SLC15A4: variants seen among roughly 807,000 people sequenced by gnomAD.
SLC15A4 encodes the protein hPHT1.
A neutral mutation model predicts 46.1 loss-of-function variants in SLC15A4; 26 were observed. That is an observed-to-expected ratio of 0.56 (90% CI 0.41 to 0.78). SLC15A4 has a LOEUF of 0.78. SLC15A4 is among the 30% of genes least tolerant of loss of function. The pLI, the probability that SLC15A4 is intolerant of heterozygous loss-of-function variation, is 0.00. For synonymous variants in SLC15A4, 370 were observed against 333.4 expected, an observed-to-expected ratio of 1.11 and a Z score of -1.20; for missense variants, 751 against 755.7, an observed-to-expected ratio of 0.99 and a Z score of 0.07.
chr12:128,795,443 G>C (rs7135854), intron 7 of SLC15A4, among the ~76,000 whole-genome samples: 78,895 of 152,028 alleles, frequency 0.52, 21,369 homozygotes, highest in Non-Finnish European at 0.61. Flanking sequence ...CATGGGCCAT[G>C]CAGCTCAAGC....
intron 5 of SLC15A4, among the ~76,000 whole-genome samples, chr12:128,802,621 A>T (rs1396230676): frequency 6.6e-6 from 1 of 152,202 alleles, no homozygotes; most frequent in Non-Finnish European, 1.5e-5. Context: ...CATGCGGAGG[A>T]CAATAAGTAG....
intron 5 of SLC15A4, among the ~76,000 whole-genome samples, chr12:128,808,544 C>T (rs1955615781): frequency 6.6e-6 from 1 of 152,140 alleles, no homozygotes; most frequent in South Asian, 2.1e-4. Flanking sequence ...TTAACTCAGT[C>T]CAAATGTCAC....
At chr12:128,816,754 C>A (rs4760537) in intron 1 of SLC15A4, among the ~76,000 whole-genome samples, 90,598 of 151,894 alleles carry the variant, frequency 0.6, 27,294 homozygotes, top group Non-Finnish European at 0.65. Flanking sequence ...ATCCCTTGAA[C>A]TGGGGAGGAG....
chr12:128,795,479 G>C (rs1175002167), intron 7 of SLC15A4, among the ~76,000 whole-genome samples: 1 of 152,204 alleles, frequency 6.6e-6, no homozygotes, highest in Non-Finnish European at 1.5e-5. Flanking sequence ...CGGCCTCTGA[G>C]ACCTCTGTGC....
chr12:128,809,331 AGAAGG>A (rs1361685997), intron 4 of SLC15A4, 60 bp downstream of exon 4: 28 of 1,013,094 alleles, frequency 2.8e-5, no homozygotes, highest in Non-Finnish European at 3.9e-5. Context: ...TACAGTTGGT[AGAAGG>A]AATCCATTTA....
intron 2 of SLC15A4, among the ~76,000 whole-genome samples, chr12:128,812,857 G>T (rs1354187707): frequency 6.6e-6 from 1 of 151,486 alleles, no homozygotes; most frequent in African/African-American, 2.4e-5. Flanking sequence ...GAATTCCTCA[G>T]ACCATCAACT....
intron 1 of SLC15A4, among the ~76,000 whole-genome samples, chr12:128,818,449 G>A (rs1425368030): frequency 6.6e-6 from 1 of 152,176 alleles, no homozygotes; most frequent in Non-Finnish European, 1.5e-5. Context: ...GACCAAACCA[G>A]GACAAATTAA....
chr12:128,823,908 C>G lies in SLC15A4; in HGVS notation c.36G>C (p.Ala12=), dbSNP rs1367392929. The G allele has an allele frequency of 2.6e-5, 21 of 812,144 alleles. No individual in the cohort carries two copies. In the East Asian group the frequency reaches 2.4e-3, roughly 92 times the overall value. 50.3% of individuals were successfully genotyped at this position (812,144 alleles called of 1,614,324 possible). The stretch of plus-strand genomic sequence containing the variant: ...CCGCCCGCCGCGCGCCCAGCAGCGG[C>G]GCCCGCTCGCCCGCACCGCCCCCAG... ...EGSGGGAGER[A]PLLGARRAAA... is the part of the protein sequence containing the mutation. Residue 12 remains alanine, a synonymous_variant, in exon 1 of 8, where the codon GCG becomes GCC. Coordinates refer to ENST00000266771, the MANE Select transcript of SLC15A4 (RefSeq NM_145648.4).
rs746859694 is a variant in SLC15A4, at chr12:128,799,341, G to A, written c.1491C>T (p.Gly497=). 3.1e-6 allele frequency: 5 copies of A among 1,613,994 alleles called. No individual in the cohort carries two copies. The highest frequency in any genetic ancestry group is 1.6e-4 in the Middle Eastern group (1 of 6,084). The change falls in exon 7 of 8, where the codon GGC becomes GGT. Residue 497 remains glycine (G), a synonymous_variant. Coordinates refer to ENST00000266771, the MANE Select transcript of SLC15A4 (RefSeq NM_145648.4). The part of the protein sequence containing the change: ...AIMGLFFFFS[G]VGSFVGSGLL... Reference sequence around the variant, plus strand: ...GTCCAGAACCCACGAACGACCCGACGCCAGAGAAGAAAAAGAACAAGCCCA... The same window carrying A: ...GTCCAGAACCCACGAACGACCCGACACCAGAGAAGAAAAAGAACAAGCCCA...
intron 2 of SLC15A4, chr12:128,814,249 ACCG>A (rs1955710809): frequency 5.3e-6 from 1 of 188,486 alleles, no homozygotes; most frequent in Non-Finnish European, 1.1e-5. Flanking sequence ...GATGGACCTG[ACCG>A]CTGTATGATG....
At position 128,793,632 on chromosome 12, in the gene SLC15A4, C is replaced by T. The variant is rs1458502135; in HGVS notation, c.*564G>A. Reference sequence around the variant, plus strand: ...GCAGATGAAATGTGTTTACTACCAGCCTAAATCAAAGAACATGGCAAGAGC... The same window carrying T: ...GCAGATGAAATGTGTTTACTACCAGTCTAAATCAAAGAACATGGCAAGAGC... On this transcript the variant is annotated 3_prime_UTR_variant, in exon 8 of 8. Coordinates refer to ENST00000266771, the MANE Select transcript of SLC15A4 (RefSeq NM_145648.4). The T allele has an allele frequency of 6.6e-6, 1 of 152,040 alleles. No homozygotes were observed. The allele number at this position is 152,040 out of a possible 1,614,324, so 9.4% of individuals were successfully genotyped here.
At chr12:128,809,519 T>A in intron 3 of SLC15A4, 46 bp from the exon 4 acceptor site, 1 of 1,258,036 alleles carries the variant, frequency 7.9e-7, no homozygotes, top group Non-Finnish European at 1.1e-6. Flanking sequence ...AACTGTGCTC[T>A]CAAACACTCT....
chr12:128,801,103 C>G, intron 5 of SLC15A4, 94 bp from the exon 6 acceptor site: 1 of 1,215,894 alleles, frequency 8.2e-7, no homozygotes, highest in Non-Finnish European at 1.1e-6. Context: ...TCGTAGCAAA[C>G]GTGATTCTGA....
Position 128,814,916 on chromosome 12 carries a change from C to A in SLC15A4, c.701G>T (p.Gly234Val). 1.2e-6 allele frequency: 2 copies of A among 1,614,134 alleles called. No homozygotes were observed. The highest frequency in any genetic ancestry group is 1.7e-6 in the Non-Finnish European group (2 of 1,180,030). The change falls in exon 2 of 8, where the codon GGC becomes GTC. Residue 234 changes from glycine to valine, a missense_variant. Coordinates refer to ENST00000266771, the MANE Select transcript of SLC15A4 (RefSeq NM_145648.4). ...TGYAIPTVCVGLAFVVFLCGQ... is the reference protein window; with the variant it reads ...TGYAIPTVCVVLAFVVFLCGQ... Reference sequence around the variant, plus strand: ...ACAGAGGAAGACCACAAAAGCAAGGCCGACGCAGACAGTGGGGATCGCATA... The same window carrying A: ...ACAGAGGAAGACCACAAAAGCAAGGACGACGCAGACAGTGGGGATCGCATA...
rs774761737 is a variant in SLC15A4 at position 128,823,827 on chromosome 12, G to A, written c.117C>T (p.Ala39=). 20 of 1,376,858 alleles carry A rather than the reference G, an allele frequency of 1.5e-5. No individual in the cohort carries two copies. The Admixed American group carries it at 3.6e-4, about 25-fold the overall frequency. The allele number at this position is 1,376,858 out of a possible 1,614,324, so 85.3% of individuals were successfully genotyped here. ...AFAGRRAACG[A]VLLTELLERA... is the part of the protein sequence containing the mutation. ...GCTCCAGCAGCTCCGTCAGCAGCAC[G>A]GCCCCGCACGCCGCGCGCCGGCCCG... The change falls in exon 1 of 8, where the codon GCC becomes GCT. Residue 39 remains alanine, a synonymous_variant. Coordinates refer to ENST00000266771, the MANE Select transcript of SLC15A4 (RefSeq NM_145648.4).
intron 5 of SLC15A4, 93 bp from the exon 6 acceptor site, chr12:128,801,102 A>G (rs1045884054): frequency 2.1e-5 from 26 of 1,225,828 alleles, no homozygotes; most frequent in Non-Finnish European, 2.8e-5. Context: ...TTCGTAGCAA[A>G]CGTGATTCTG....
At position 128,796,429 on chromosome 12, in the gene SLC15A4, C is replaced by CAAAAAAAAAAAA. The variant is rs57014966; in HGVS notation, c.1574-2085_1574-2074dup. Among the ~76,000 whole-genome samples, 26 of 33,920 alleles carry CAAAAAAAAAAAA rather than the reference C, an allele frequency of 7.7e-4. 1 individual carries two copies. The highest frequency in any genetic ancestry group is 2.1e-3 in the South Asian group (1 of 478). The allele number at this position is 33,920 out of a possible 152,430, so 22.3% of individuals were successfully genotyped here. A position where few individuals can be genotyped will look rare whatever the true frequency, so the allele number is the denominator to read the frequency against. Reference sequence around the variant, plus strand: ...GGGCAACAAACGTGAAACTCCATCTCAAAAAAAAAAAAAAAAAAAAAAAAA... The same window carrying CAAAAAAAAAAAA: ...GGGCAACAAACGTGAAACTCCATCTCAAAAAAAAAAAAAAAAAAAAAAAAAAAAAAAAAAAAA... On this transcript the variant is annotated intron_variant, in intron 7 of 7. Coordinates refer to ENST00000266771, the MANE Select transcript of SLC15A4 (RefSeq NM_145648.4).
At chr12:128,809,365 A>G (rs1238973259) in intron 4 of SLC15A4, 31 bp downstream of exon 4, 1 of 1,421,742 alleles carries the variant, frequency 7.0e-7, no homozygotes, top group African/African-American at 1.4e-5. Context: ...GTCCAAAATA[A>G]CAATGTTCAG....
chr12:128,797,745 G>A (rs2135703963), intron 7 of SLC15A4, among the ~76,000 whole-genome samples: 1 of 152,324 alleles, frequency 6.6e-6, no homozygotes, highest in Non-Finnish European at 1.5e-5. Context: ...CACAAATTCA[G>A]GGAGAACTCT....
Sources: allele counts gnomAD v4.1 joint callset (sites outside exome capture counted in the v4.1 genomes callset), GRCh38; gene constraint gnomAD v4.1.1; transcripts MANE v1.5; gene names NCBI Gene and HGNC (gene_info 2026-07-23, HGNC 2026-07-21).